The following TMTC2 variants were observed in gnomAD, a reference collection of about 807,000 sequenced individuals.
TMTC2 encodes the protein protein O-mannosyl-transferase TMTC2.
Under a neutral mutation model 82.4 loss-of-function variants are expected in TMTC2, and 43 were observed. That is an observed-to-expected ratio of 0.52 (90% CI 0.41 to 0.67). TMTC2 has a LOEUF of 0.67. Among genes scored for constraint, TMTC2 ranks in the 30% least tolerant of loss-of-function variants. TMTC2 has a pLI of 0.00. For synonymous variants in TMTC2, 408 were observed against 381.9 expected, an observed-to-expected ratio of 1.07 and a Z score of -0.80; for missense variants, 919 against 1,012.4, an observed-to-expected ratio of 0.91 and a Z score of 1.25.
chr12:82,801,071 C>A (rs1021760881), intron 1 of TMTC2, among the ~76,000 whole-genome samples: 1 of 152,108 alleles, frequency 6.6e-6, no homozygotes, highest in African/African-American at 2.4e-5. Context: ...ACTTGGCCAT[C>A]ATTTTTAAGG....
At chr12:83,061,264 A>G (rs1057309383) in intron 10 of TMTC2, among the ~76,000 whole-genome samples, 1 of 151,690 alleles carries the variant, frequency 6.6e-6, no homozygotes, top group African/African-American at 2.4e-5. Flanking sequence ...TGGACTTTTT[A>G]TTTTTTCTGT....
intron 11 of TMTC2, among the ~76,000 whole-genome samples, chr12:83,062,374 T>G (rs2137474223): frequency 6.6e-6 from 1 of 151,870 alleles, no homozygotes; most frequent in East Asian, 1.9e-4. Flanking sequence ...TCTTTTCTAT[T>G]GAAATAGAGT....
intron 1 of TMTC2, among the ~76,000 whole-genome samples, chr12:82,703,687 G>C (rs1358446993): frequency 1.3e-5 from 2 of 151,898 alleles, no homozygotes; most frequent in Non-Finnish European, 2.9e-5. Context: ...TTTTGGTAGA[G>C]ACGGGGTTTC....
intron 1 of TMTC2, among the ~76,000 whole-genome samples, chr12:82,843,736 T>C (rs1592567441): frequency 6.6e-6 from 1 of 151,976 alleles, no homozygotes; most frequent in Non-Finnish European, 1.5e-5. Flanking sequence ...TCACTTGAGG[T>C]CTGGAGTTCA....
intron 1 of TMTC2, among the ~76,000 whole-genome samples, chr12:82,712,288 G>T (rs1245153821): frequency 6.6e-6 from 1 of 152,084 alleles, no homozygotes; most frequent in African/African-American, 2.4e-5. Context: ...AAATTAGCTG[G>T]GCGTGGTGGC....
chr12:82,803,597 A>G (rs922506906), intron 1 of TMTC2, among the ~76,000 whole-genome samples: 1 of 152,100 alleles, frequency 6.6e-6, no homozygotes, highest in South Asian at 2.1e-4. Flanking sequence ...AAATGGCAAG[A>G]GTATCACCTT....
At chr12:82,952,010 A>G (rs1342414972) in intron 4 of TMTC2, among the ~76,000 whole-genome samples, 1 of 152,186 alleles carries the variant, frequency 6.6e-6, no homozygotes, top group Non-Finnish European at 1.5e-5. Flanking sequence ...AAGATAACCT[A>G]AAAGTCACAG....
chr12:82,741,234 GGTTT>G lies in TMTC2; in HGVS notation c.83+53578_83+53581del, dbSNP rs571449081. On this transcript the variant is annotated intron_variant, in intron 1 of 11. Coordinates refer to ENST00000321196, the MANE Select transcript of TMTC2 (RefSeq NM_152588.3). The stretch of plus-strand genomic sequence containing the variant: ...CATCCCAAGAGTGCTTTCCTGAGGT[GGTTT>G]GTTTGTTTGTTTTTTGTTGTTGTTG... Among the ~76,000 whole-genome samples, 11 of 152,244 alleles carry G rather than the reference GGTTT, an allele frequency of 7.2e-5. No individual in the cohort carries two copies. In the South Asian group the frequency reaches 1.2e-3, roughly 17 times the overall value.
intron 8 of TMTC2, among the ~76,000 whole-genome samples, chr12:83,026,845 G>A (rs1176898935): frequency 2.0e-5 from 3 of 151,894 alleles, no homozygotes; most frequent in Non-Finnish European, 2.9e-5. Flanking sequence ...ACTCAGCTGC[G>A]CACCTGAGCT....
intron 1 of TMTC2, among the ~76,000 whole-genome samples, chr12:82,836,691 T>C (rs1395556787): frequency 1.3e-5 from 2 of 152,196 alleles, no homozygotes; most frequent in Non-Finnish European, 2.9e-5. Context: ...ACTAAGTGGA[T>C]GGTAATTCAT....
chr12:82,857,178 C>T lies in TMTC2; in HGVS notation c.252C>T (p.Pro84=). 8 of 1,614,146 alleles carry T rather than the reference C, an allele frequency of 5.0e-6. No homozygotes were observed. Among genetic ancestry groups the T allele is most frequent in the Non-Finnish European group, 6.8e-6 (8 of 1,180,030 alleles). The change falls in exon 2 of 12, where the codon CCC becomes CCT. Residue 84 remains proline, a synonymous_variant. Transcript: ENST00000321196. ...ACCATGCCATTGGAGGGTTGAATCC[C>T]TGGAGCTACCATCTTGTCAATGTCC... The part of the protein sequence containing the change: ...RLNHAIGGLN[P]WSYHLVNVLL...
At chr12:83,127,440 G>A (rs1422225611) in intron 11 of TMTC2, among the ~76,000 whole-genome samples, 6 of 151,866 alleles carry the variant, frequency 4.0e-5, no homozygotes, top group Non-Finnish European at 1.5e-5. Flanking sequence ...AGAGACCAAT[G>A]GGATACAAGA....
intron 1 of TMTC2, among the ~76,000 whole-genome samples, chr12:82,780,448 T>A (rs114702810): frequency 0.015 from 2,226 of 152,080 alleles, 48 homozygotes; most frequent in African/African-American, 0.05. Context: ...TTTTTTTTTG[T>A]TGAGTGTTTA....
At chr12:82,993,007 T>C (rs1879461412) in intron 8 of TMTC2, among the ~76,000 whole-genome samples, 1 of 152,110 alleles carries the variant, frequency 6.6e-6, no homozygotes, top group South Asian at 2.1e-4. Flanking sequence ...ATTTTTGAGA[T>C]GGATTCTCAC....
chr12:82,814,421 T>C (rs1868572130), intron 1 of TMTC2, among the ~76,000 whole-genome samples: 2 of 152,118 alleles, frequency 1.3e-5, no homozygotes, highest in East Asian at 1.9e-4. Context: ...ATAAGGCATG[T>C]TGAGGAATAC....
In TMTC2 at chr12:82,975,764, A is replaced by G. The variant is rs1319258554; in HGVS notation, c.1948+8767A>G. 9.2e-5 allele frequency among the ~76,000 whole-genome samples: 14 copies of G among 151,894 alleles called. 1 individual carries two copies. In the South Asian group the frequency reaches 1.2e-3, roughly 14 times the overall value. Reference sequence around the variant, plus strand: ...ATTACACTCTTTTGACTCATAGGAGAGTGCTTTTTCTTTTATCGTTTTCCT... The same window carrying G: ...ATTACACTCTTTTGACTCATAGGAGGGTGCTTTTTCTTTTATCGTTTTCCT... On this transcript the variant is annotated intron_variant, in intron 7 of 11. Coordinates refer to ENST00000321196, the MANE Select transcript of TMTC2 (RefSeq NM_152588.3).
chr12:82,833,225 G>A (rs922807175), intron 1 of TMTC2, among the ~76,000 whole-genome samples: 10 of 152,016 alleles, frequency 6.6e-5, no homozygotes, highest in East Asian at 1.9e-4. Context: ...TTGTTTTACC[G>A]TAGCATAATA....
intron 8 of TMTC2, among the ~76,000 whole-genome samples, chr12:83,015,348 A>AC (rs933626237): frequency 1.4e-4 from 22 of 152,264 alleles, no homozygotes; most frequent in African/African-American, 5.3e-4. Flanking sequence ...CATCCTATAT[A>AC]CCTTTGAATT....
chr12:83,057,940 C>G lies in TMTC2; in HGVS notation c.2268-3828C>G, dbSNP rs550024581. 1.3e-4 allele frequency among the ~76,000 whole-genome samples: 19 copies of G among 151,846 alleles called. 1 individual carries two copies. The South Asian group carries it at 3.3e-3, about 27-fold the overall frequency. ...TTTTAAATTTAGCAGTTTTATAATTCTCACAGAATACATAAAAATGTGGTT... is the reference window on the plus strand; with the variant it reads ...TTTTAAATTTAGCAGTTTTATAATTGTCACAGAATACATAAAAATGTGGTT... On this transcript the variant is annotated intron_variant, in intron 10 of 11. Transcript: ENST00000321196.
Sources: gnomAD v4.1 joint callset for allele counts (sites outside exome capture counted in the v4.1 genomes callset) on GRCh38, gnomAD v4.1.1 for gene constraint, MANE v1.5 for transcripts, NCBI Gene and HGNC (gene_info 2026-07-23, HGNC 2026-07-21) for gene names.